Variants in AFG2A observed in about 807,000 individuals in gnomAD.
AFG2A encodes the protein ATPase family gene 2 protein homolog A.
chr4:123,119,125 G>T, the AFG2A span, among the ~76,000 whole-genome samples: 1 of 150,416 alleles, frequency 6.6e-6, no homozygotes, highest in Admixed American at 6.7e-5. Context: ...TCCTATTTAG[G>T]TTTTTTTTTC....
At chr4:122,990,222 A>C in the AFG2A span, among the ~76,000 whole-genome samples, 1 of 152,100 alleles carries the variant, frequency 6.6e-6, no homozygotes, top group African/African-American at 2.4e-5. Context: ...TGGATTCCTT[A>C]GCTGTTGTGA....
chr4:123,035,367 G>GT, the AFG2A span, among the ~76,000 whole-genome samples: 29 of 149,824 alleles, frequency 1.9e-4, 1 homozygote, highest in South Asian at 4.2e-4. Context: ...TTAGAGTTTT[G>GT]TTTTTTTTTA....
At chr4:123,307,554 C>A in the AFG2A span, among the ~76,000 whole-genome samples, 1 of 152,194 alleles carries the variant, frequency 6.6e-6, no homozygotes, top group Admixed American at 6.5e-5. Context: ...GAAAAGACCT[C>A]ATTTTTCCAA....
At chr4:122,994,676 A>G in the AFG2A span, among the ~76,000 whole-genome samples, 51 of 151,538 alleles carry the variant, frequency 3.4e-4, no homozygotes, top group Admixed American at 2.4e-3. Flanking sequence ...ATAAACCATT[A>G]GAGAGGTAGT....
the AFG2A span, among the ~76,000 whole-genome samples, chr4:123,120,075 T>G: frequency 6.6e-6 from 1 of 152,168 alleles, no homozygotes; most frequent in African/African-American, 2.4e-5. Context: ...AGATGAGATT[T>G]GGGTGTGGAC....
chr4:122,929,475 C>T, the AFG2A span, among the ~76,000 whole-genome samples: 2 of 152,112 alleles, frequency 1.3e-5, no homozygotes, highest in African/African-American at 2.4e-5. Flanking sequence ...GAGTGGATTA[C>T]TTGAGCTCAG....
the AFG2A span, among the ~76,000 whole-genome samples, chr4:123,061,140 C>G: frequency 6.6e-6 from 1 of 152,196 alleles, no homozygotes. Context: ...AATTTTCCCA[C>G]ATCTTCCTGT....
chr4:123,312,083 G>A, the AFG2A span, among the ~76,000 whole-genome samples: 4 of 152,196 alleles, frequency 2.6e-5, no homozygotes, highest in Non-Finnish European at 4.4e-5. Context: ...CACTCTGTTG[G>A]ATGTGTTTCC....
chr4:123,309,680 A>G, the AFG2A span, among the ~76,000 whole-genome samples: 7 of 152,206 alleles, frequency 4.6e-5, no homozygotes, highest in Admixed American at 2.6e-4. Context: ...GTGCTCCAAA[A>G]TTCAAAACTT....
chr4:122,925,295 G>T, the AFG2A span, among the ~76,000 whole-genome samples: 1 of 152,278 alleles, frequency 6.6e-6, no homozygotes, highest in African/African-American at 2.4e-5. Flanking sequence ...CCTTTTGACT[G>T]ATTTTCCAGC....
At chr4:123,176,680 C>T in the AFG2A span, among the ~76,000 whole-genome samples, 1 of 151,988 alleles carries the variant, frequency 6.6e-6, no homozygotes, top group Non-Finnish European at 1.5e-5. Flanking sequence ...TTGTATGGAC[C>T]AATGTGATAG....
chr4:123,273,787 T>A, the AFG2A span, among the ~76,000 whole-genome samples: 1 of 152,152 alleles, frequency 6.6e-6, no homozygotes, highest in African/African-American at 2.4e-5. Context: ...ACAAATGAAG[T>A]TCATGTTTAG....
At chr4:122,993,991 C>A in the AFG2A span, among the ~76,000 whole-genome samples, 3 of 151,902 alleles carry the variant, frequency 2.0e-5, no homozygotes, top group Non-Finnish European at 4.4e-5. Context: ...ATAGTAGATA[C>A]CCAATCAATA....
At chr4:123,279,169 A>T in the AFG2A span, among the ~76,000 whole-genome samples, 3 of 152,134 alleles carry the variant, frequency 2.0e-5, no homozygotes, top group African/African-American at 7.2e-5. Context: ...TAATCCCAGC[A>T]CTTTGGGAGG....
the AFG2A span, among the ~76,000 whole-genome samples, chr4:123,198,241 C>G: frequency 6.7e-6 from 1 of 150,056 alleles, no homozygotes; most frequent in Non-Finnish European, 1.5e-5. Flanking sequence ...TGCACTCCAG[C>G]CTAAACGACA....
At chr4:123,023,742 C>G in the AFG2A span, among the ~76,000 whole-genome samples, 1 of 152,180 alleles carries the variant, frequency 6.6e-6, no homozygotes, top group East Asian at 1.9e-4. Context: ...GGGCTCCGAG[C>G]AAGATGGCAG....
chr4:123,111,708 C>CTTA, the AFG2A span, among the ~76,000 whole-genome samples: 3,260 of 149,722 alleles, frequency 0.022, 66 homozygotes, highest in Non-Finnish European at 0.035. Flanking sequence ...TTGTATTATA[C>CTTA]TTCTTCTTCT....
the AFG2A span, among the ~76,000 whole-genome samples, chr4:123,293,727 C>T: frequency 2.0e-5 from 3 of 152,194 alleles, no homozygotes; most frequent in African/African-American, 7.2e-5. Flanking sequence ...GTCCCCAAAT[C>T]GCAATCCACT....
the AFG2A span, among the ~76,000 whole-genome samples, chr4:123,002,424 A>G: frequency 2.0e-5 from 3 of 152,048 alleles, no homozygotes; most frequent in Non-Finnish European, 2.9e-5. Flanking sequence ...TTTTGGCATG[A>G]TTTTGCAGCG....
Sources: gnomAD v4.1 joint callset for allele counts (sites outside exome capture counted in the v4.1 genomes callset) on GRCh38, gnomAD v4.1.1 for gene constraint, MANE v1.5 for transcripts, NCBI Gene and HGNC (gene_info 2026-07-23, HGNC 2026-07-21) for gene names.